ADAM7: variants seen among roughly 807,000 people sequenced by gnomAD.
The protein encoded by ADAM7 is disintegrin and metalloproteinase domain-containing protein 7.
ADAM7 carries 97 observed loss-of-function variants against 102.9 expected under a neutral mutation model. The ratio of observed to expected loss-of-function variants is 0.94; its 90% CI spans 0.80 to 1.12. The LOEUF (loss-of-function observed/expected upper bound fraction) is 1.12. Ranked by LOEUF, ADAM7 falls within the 50% of genes most tolerant of loss-of-function variation. ADAM7 has a pLI of 0.00. For synonymous variants in ADAM7, 334 were observed against 304.4 expected, an observed-to-expected ratio of 1.10 and a Z score of -1.01; for missense variants, 991 against 908.7, an observed-to-expected ratio of 1.09 and a Z score of -1.16.
chr8:24,501,203 G>A (rs933883910), intron 19 of ADAM7, among the ~76,000 whole-genome samples: 1 of 152,084 alleles, frequency 6.6e-6, no homozygotes, highest in Admixed American at 6.6e-5. Context: ...TCTTGTAGAT[G>A]ATTTAATTTT....
At chr8:24,495,073 G>T (rs1411061569) in intron 16 of ADAM7, among the ~76,000 whole-genome samples, 2 of 152,170 alleles carry the variant, frequency 1.3e-5, no homozygotes, top group Non-Finnish European at 2.9e-5. Context: ...CCAGTGTCAT[G>T]AAAGTATGTG....
intron 3 of ADAM7, among the ~76,000 whole-genome samples, chr8:24,453,720 A>T (rs1049401356): frequency 2.0e-5 from 3 of 152,098 alleles, no homozygotes; most frequent in African/African-American, 7.2e-5. Flanking sequence ...GGAGGAGGAG[A>T]GGCGCTCTCC....
rs1223929331 is a variant in ADAM7 at position 24,441,084 on chromosome 8, C to A, written c.-25C>A. On this transcript the variant is annotated 5_prime_UTR_variant, in exon 1 of 22. Coordinates refer to ENST00000175238, the MANE Select transcript of ADAM7 (RefSeq NM_003817.4). ...GAACTCCTTTTCTCAAGCACTTCTGCTCTCCTCTACCAGAATCACTCAGAA... is the reference window on the plus strand; with the variant it reads ...GAACTCCTTTTCTCAAGCACTTCTGATCTCCTCTACCAGAATCACTCAGAA... The A allele has an allele frequency of 3.7e-6, 6 of 1,608,030 alleles. No homozygotes were observed. The highest frequency in any genetic ancestry group is 5.1e-6 in the Non-Finnish European group (6 of 1,174,548).
chr8:24,503,019 T>G (rs1246950324), intron 20 of ADAM7, among the ~76,000 whole-genome samples: 1 of 152,088 alleles, frequency 6.6e-6, no homozygotes, highest in African/African-American at 2.4e-5. Context: ...TGCATCATGA[T>G]CATATATAGA....
chr8:24,444,269 ATAAATAAATAAATAAAT>A lies in ADAM7; in HGVS notation c.156+1707_156+1723del, dbSNP rs1317491518. ...TAAATGACTGAATAAATAATATATA[ATAAATAAATAAATAAAT>A]TAAATAAATAAATTGAAAAAATGGA... On this transcript the variant is annotated intron_variant, in intron 2 of 21. Coordinates refer to ENST00000175238, the MANE Select transcript of ADAM7 (RefSeq NM_003817.4). 2.6e-4 allele frequency among the ~76,000 whole-genome samples: 39 copies of A among 150,256 alleles called. 3 individuals carry two copies. Among genetic ancestry groups the A allele is most frequent in the Admixed American group, 1.3e-4 (2 of 15,076 alleles).
intron 16 of ADAM7, among the ~76,000 whole-genome samples, chr8:24,498,227 C>T (rs1585925067): frequency 1.3e-5 from 2 of 151,388 alleles, no homozygotes; most frequent in South Asian, 4.2e-4. Context: ...TGTAAAAAAT[C>T]TCAGGAATAA....
At chr8:24,488,786 A>C (rs966718485) in intron 11 of ADAM7, among the ~76,000 whole-genome samples, 1 of 152,118 alleles carries the variant, frequency 6.6e-6, no homozygotes, top group Admixed American at 6.6e-5. Context: ...TATTTTTTTA[A>C]AATCACACAT....
chr8:24,490,884 G>C lies in ADAM7; in HGVS notation c.1352G>C (p.Cys451Ser), dbSNP rs776607613. The C allele has an allele frequency of 6.2e-7, 1 of 1,612,142 alleles. No individual in the cohort carries two copies. The highest frequency in any genetic ancestry group is 1.1e-5 in the South Asian group (1 of 90,660). ...TCAEGECCES[C>S]QIKKAGSICR... The stretch of plus-strand genomic sequence containing the variant: ...GCAGAAGGAGAATGCTGTGAATCTT[G>C]TCAGGTAAGGTCATGTGCCAGGAGA... The change falls in exon 13 of 22, where the codon TGT (cysteine) becomes TCT (serine). Residue 451 changes from cysteine to serine, a missense_variant. Physicochemically the swap from Cys to Ser is moderately radical, Grantham distance 112 (BLOSUM62 -1). Coordinates refer to ENST00000175238, the MANE Select transcript of ADAM7 (RefSeq NM_003817.4).
rs1323643411 is a variant in ADAM7 at position 24,499,330 on chromosome 8, G to A, written c.1923+14G>A. On this transcript the variant is annotated intron_variant, in intron 17 of 21. Transcript: ENST00000175238. ...AATGAAAATCCTGTAAGATATGACT[G>A]CTTTCAAAATTAATGTCTTATCAGC... The A allele has an allele frequency of 2.5e-6, 4 of 1,575,724 alleles. No homozygotes were observed. Among genetic ancestry groups the A allele is most frequent in the Non-Finnish European group, 3.5e-6 (4 of 1,156,026 alleles).
chr8:24,487,911 G>A (rs1820199957), intron 11 of ADAM7, among the ~76,000 whole-genome samples: 1 of 151,912 alleles, frequency 6.6e-6, no homozygotes, highest in Non-Finnish European at 1.5e-5. Flanking sequence ...GGCAATTAGG[G>A]GACAAATAGA....
Position 24,508,617 on chromosome 8 carries a change from C to A in ADAM7, c.*71C>A. ...GATTCTGGATGCAACGTCTTTACAA[C>A]CTTACCTAGATATCTGCTACTCACA... On this transcript the variant is annotated 3_prime_UTR_variant, in exon 22 of 22. Transcript: ENST00000175238. The A allele has an allele frequency of 6.2e-7, 1 of 1,609,654 alleles. No homozygotes were observed. The highest frequency in any genetic ancestry group is 8.5e-7 in the Non-Finnish European group (1 of 1,177,532).
intron 18 of ADAM7, 84 bp from the exon 19 acceptor site, chr8:24,500,706 A>G (rs17739399): frequency 0.32 from 353,649 of 1,091,504 alleles, 59,243 homozygotes; most frequent in Admixed American, 0.42. Flanking sequence ...AATAAGGAGC[A>G]TTGTAACAGC....
In ADAM7 at chr8:24,456,610, C is replaced by T. The variant is rs937769166; in HGVS notation, c.234-7272C>T. 1.2e-4 allele frequency among the ~76,000 whole-genome samples: 17 copies of T among 147,428 alleles called. 1 individual carries two copies. The East Asian group carries it at 3.5e-3, about 30-fold the overall frequency. On this transcript the variant is annotated intron_variant, in intron 3 of 21. Transcript: ENST00000175238. ...TCTTCATGCTTCTCCTGAGTCACCT[C>T]CTCTAAAAATCTGTCCTGGGAATTT...
Position 24,482,327 on chromosome 8 carries a change from A to G in ADAM7, c.875+16A>G, listed in dbSNP as rs1819979380. ...TATTACTCAGGTTGGTGATTGCTCT[A>G]TTTTCTTGCATACCTTTGGTGGATT... is the stretch of plus-strand genomic sequence containing the variant. On this transcript the variant is annotated intron_variant, in intron 9 of 21. Coordinates refer to ENST00000175238, the MANE Select transcript of ADAM7 (RefSeq NM_003817.4). 6.3e-7 allele frequency: 1 copy of G among 1,593,698 alleles called. No homozygotes were observed. Among genetic ancestry groups the G allele is most frequent in the South Asian group, 1.2e-5 (1 of 85,884 alleles).
chr8:24,482,776 A>G (rs139667778), intron 9 of ADAM7, among the ~76,000 whole-genome samples: 1 of 152,288 alleles, frequency 6.6e-6, no homozygotes, highest in Admixed American at 6.5e-5. Context: ...AAAGTTTTCA[A>G]GTGGACTATT....
chr8:24,478,206 C>T (rs1263960038), intron 8 of ADAM7, among the ~76,000 whole-genome samples: 3 of 152,092 alleles, frequency 2.0e-5, no homozygotes, highest in Non-Finnish European at 4.4e-5. Flanking sequence ...GAATTTATTT[C>T]ATGCAGTTAC....
chr8:24,451,703 G>C (rs1818797505), intron 3 of ADAM7, among the ~76,000 whole-genome samples: 1 of 151,026 alleles, frequency 6.6e-6, no homozygotes. Flanking sequence ...TTTTGACTGT[G>C]TTTGCTCTTG....
Position 24,464,205 on chromosome 8 carries a change from G to A in ADAM7, c.312+245G>A, listed in dbSNP as rs1333564550. ...CTTTGCTTTTCCTAAACTGATTTCT[G>A]TACACTCAATATGGTGTTAAGTCTA... On this transcript the variant is annotated intron_variant, in intron 4 of 21. Transcript: ENST00000175238. 2.6e-5 allele frequency among the ~76,000 whole-genome samples: 4 copies of A among 152,184 alleles called. No homozygotes were observed. In the East Asian group the frequency reaches 5.8e-4, roughly 22 times the overall value.
At chr8:24,452,151 A>G (rs1818819252) in intron 3 of ADAM7, among the ~76,000 whole-genome samples, 1 of 151,514 alleles carries the variant, frequency 6.6e-6, no homozygotes, top group Non-Finnish European at 1.5e-5. Context: ...AGAGTTCTGT[A>G]GATGTCTGTT....
Sources: allele counts gnomAD v4.1 joint callset (sites outside exome capture counted in the v4.1 genomes callset), GRCh38; gene constraint gnomAD v4.1.1; transcripts MANE v1.5; gene names NCBI Gene and HGNC (gene_info 2026-07-23, HGNC 2026-07-21).